The following ZMAT4 variants were observed in gnomAD, a reference collection of about 807,000 sequenced individuals.
ZMAT4 encodes zinc finger matrin-type 4, also known as zinc finger matrin-type protein 4.
In ZMAT4, 17 loss-of-function variants were observed where a neutral mutation model predicts 28.7. The observed-to-expected ratio is 0.59, with a 90% confidence interval of 0.41 to 0.89. ZMAT4 has a LOEUF of 0.89. Ranked by LOEUF, ZMAT4 falls within the 40% of genes least tolerant of loss-of-function variation. The pLI is 0.00. For synonymous variants in ZMAT4, 117 were observed against 109.2 expected, an observed-to-expected ratio of 1.07 and a Z score of -0.44; for missense variants, 240 against 283.8, an observed-to-expected ratio of 0.85 and a Z score of 1.11.
chr8:40,827,809 C>A (rs984315423), intron 1 of ZMAT4, among the ~76,000 whole-genome samples: 1 of 152,196 alleles, frequency 6.6e-6, no homozygotes, highest in Non-Finnish European at 1.5e-5. Flanking sequence ...CACAAGGCAA[C>A]CTGTTCCAGA....
chr8:40,749,320 T>G (rs1344149034), intron 3 of ZMAT4, among the ~76,000 whole-genome samples: 2 of 152,206 alleles, frequency 1.3e-5, no homozygotes, highest in Admixed American at 1.3e-4. Flanking sequence ...CTCCTTGCTT[T>G]AAGCTTAGAT....
At chr8:40,601,468 G>GGGAGGAA (rs1805316503) in intron 5 of ZMAT4, among the ~76,000 whole-genome samples, 13 of 19,988 alleles carry the variant, frequency 6.5e-4, no homozygotes, top group African/African-American at 2.3e-3. Context: ...GAGGAAGAAA[G>GGGAGGAA]GAAAGAAAGA....
chr8:40,721,940 A>T (rs1004725567), intron 3 of ZMAT4, among the ~76,000 whole-genome samples: 1 of 152,038 alleles, frequency 6.6e-6, no homozygotes, highest in South Asian at 2.1e-4. Context: ...TCCCTATTTA[A>T]TAAATTGTGC....
At chr8:40,820,204 GTGTT>G (rs1450999722) in intron 2 of ZMAT4, among the ~76,000 whole-genome samples, 2 of 151,250 alleles carry the variant, frequency 1.3e-5, no homozygotes, top group East Asian at 2.0e-4. Flanking sequence ...GTGTATGTGT[GTGTT>G]TATGTGTGCA....
intron 1 of ZMAT4, among the ~76,000 whole-genome samples, chr8:40,887,615 C>A (rs537719175): frequency 1.3e-5 from 2 of 152,048 alleles, no homozygotes; most frequent in Non-Finnish European, 2.9e-5. Context: ...ATGGTAAGAA[C>A]TGGCAGGCGA....
At chr8:40,615,293 C>T (rs1264746023) in intron 5 of ZMAT4, among the ~76,000 whole-genome samples, 1 of 152,214 alleles carries the variant, frequency 6.6e-6, no homozygotes, top group African/African-American at 2.4e-5. Flanking sequence ...GCTGAGAGAT[C>T]CACTGTTAGT....
intron 5 of ZMAT4, among the ~76,000 whole-genome samples, chr8:40,615,681 C>A (rs997938227): frequency 6.6e-6 from 1 of 152,116 alleles, no homozygotes; most frequent in Non-Finnish European, 1.5e-5. Context: ...TTCATTTGAT[C>A]TTCAATCACT....
chr8:40,647,424 T>G (rs1024934113), intron 5 of ZMAT4, among the ~76,000 whole-genome samples: 5 of 152,166 alleles, frequency 3.3e-5, no homozygotes, highest in Admixed American at 3.3e-4. Flanking sequence ...CGGAGGGTCC[T>G]ACACCCACGG....
intron 3 of ZMAT4, among the ~76,000 whole-genome samples, chr8:40,699,207 T>C (rs1484033466): frequency 6.6e-6 from 1 of 152,050 alleles, no homozygotes; most frequent in Non-Finnish European, 1.5e-5. Flanking sequence ...AGGGAGTTCC[T>C]GAAGGGTTCC....
intron 3 of ZMAT4, among the ~76,000 whole-genome samples, chr8:40,747,070 G>A (rs534562437): frequency 6.0e-4 from 91 of 152,226 alleles, no homozygotes; most frequent in Non-Finnish European, 7.6e-4. Context: ...GACCCTTCCC[G>A]GCTGTGCTCA....
intron 2 of ZMAT4, chr8:40,808,694 AG>A (rs1815193077): frequency 3.2e-5 from 10 of 314,748 alleles, no homozygotes; most frequent in South Asian, 2.5e-4. Context: ...GGGAAAGAGC[AG>A]GCAAATCAGT....
chr8:40,786,876 G>C (rs2150575817), intron 2 of ZMAT4: 2 of 449,550 alleles, frequency 4.4e-6, no homozygotes, highest in Admixed American at 7.2e-5. Context: ...AGAGTAACTA[G>C]AATGTAATTT....
intron 3 of ZMAT4, among the ~76,000 whole-genome samples, chr8:40,719,589 GT>G (rs907330744): frequency 1.3e-5 from 2 of 151,400 alleles, no homozygotes; most frequent in African/African-American, 2.4e-5. Context: ...TTTGTTTTTT[GT>G]TTTTTTTGAG....
intron 5 of ZMAT4, among the ~76,000 whole-genome samples, chr8:40,606,140 A>AT (rs1329137209): frequency 6.6e-6 from 1 of 152,224 alleles, no homozygotes; most frequent in South Asian, 2.1e-4. Context: ...ACCATTCTGT[A>AT]TTTTTTAGTG....
chr8:40,844,380 G>T (rs1816805384), intron 1 of ZMAT4, among the ~76,000 whole-genome samples: 1 of 152,102 alleles, frequency 6.6e-6, no homozygotes. Context: ...GGGACAAAAA[G>T]GCAGAGAAGG....
At chr8:40,618,600 G>A (rs1806095192) in intron 5 of ZMAT4, among the ~76,000 whole-genome samples, 1 of 150,356 alleles carries the variant, frequency 6.7e-6, no homozygotes, top group Non-Finnish European at 1.5e-5. Context: ...TTTGTTTAAT[G>A]TAAAAATTGA....
rs1046824632 is a variant in ZMAT4 at position 40,839,155 on chromosome 8, CT to C, written c.-4-13476del. On this transcript the variant is annotated intron_variant, in intron 1 of 6. Transcript: ENST00000297737. ...TTGGGCAGGCAGAAACCAAAAACACCTTTTTAAGCTTTGGAGAAACAAGCCC... is the reference window on the plus strand; with the variant it reads ...TTGGGCAGGCAGAAACCAAAAACACCTTTTAAGCTTTGGAGAAACAAGCCC... Among the ~76,000 whole-genome samples the C allele has an allele frequency of 1.3e-3, 194 of 152,208 alleles. 1 individual carries two copies. The highest frequency in any genetic ancestry group is 5.4e-4 in the Non-Finnish European group (37 of 68,010).
At chr8:40,852,853 A>T (rs1002731685) in intron 1 of ZMAT4, among the ~76,000 whole-genome samples, 1 of 152,216 alleles carries the variant, frequency 6.6e-6, no homozygotes, top group African/African-American at 2.4e-5. Context: ...TCATCAGAAA[A>T]GCCTTTAAGA....
At chr8:40,595,158 G>A (rs140599969) in intron 5 of ZMAT4, among the ~76,000 whole-genome samples, 20 of 152,266 alleles carry the variant, frequency 1.3e-4, no homozygotes, top group African/African-American at 4.8e-4. Context: ...CTGAAGCCTT[G>A]CTTTTCCTTT....
Sources: allele counts gnomAD v4.1 joint callset (sites outside exome capture counted in the v4.1 genomes callset), GRCh38; gene constraint gnomAD v4.1.1; transcripts MANE v1.5; gene names NCBI Gene and HGNC (gene_info 2026-07-23, HGNC 2026-07-21).